The following UGT2A1 variants were observed in gnomAD, a reference collection of about 807,000 sequenced individuals.
UGT2A1 encodes UDP-glucuronosyltransferase 2A1.
UGT2A1 carries 61 observed loss-of-function variants against 45.4 expected under a neutral mutation model. The ratio of observed to expected loss-of-function variants is 1.34; its 90% CI spans 1.09 to 1.66. The LOEUF is 1.66. Among genes scored for constraint, UGT2A1 ranks in the 40% most tolerant of loss-of-function variants. The probability of loss-of-function intolerance (pLI) is 0.00; values close to 1 mark genes in which losing one functional copy is unlikely to be tolerated. For missense variants in UGT2A1, 649 were observed against 574.3 expected (o/e 1.13, Z -1.33); for synonymous variants, 229 against 196.2 (o/e 1.17, Z -1.40).
intron 2 of UGT2A1, among the ~76,000 whole-genome samples, chr4:69,636,351 A>T (rs2109964424): frequency 6.6e-6 from 1 of 152,286 alleles, no homozygotes; most frequent in Non-Finnish European, 1.5e-5. Context: ...TTTGTTTGTG[A>T]TGGCAAACAA....
chr4:69,626,740 T>C (rs1312496773), intron 3 of UGT2A1, among the ~76,000 whole-genome samples: 1 of 151,878 alleles, frequency 6.6e-6, no homozygotes, highest in Non-Finnish European at 1.5e-5. Flanking sequence ...ATTAAGAGAT[T>C]GCTTGTTCAT....
rs1166136690 is a variant in UGT2A1, at chr4:69,606,053, ATCC to A, written c.848-6662_848-6660del. ...ATTCCAAGCAATAGAAAAAGAGGGAATCCTCCTTAAATCATTTTATGAGTCCAG... is the reference window on the plus strand; with the variant it reads ...ATTCCAAGCAATAGAAAAAGAGGGAATCCTTAAATCATTTTATGAGTCCAG... On this transcript the variant is annotated intron_variant, in intron 3 of 6. Transcript: ENST00000286604. Among the ~76,000 whole-genome samples, 3 of 136,822 alleles carry A rather than the reference ATCC, an allele frequency of 2.2e-5. 1 individual carries two copies. Among genetic ancestry groups the A allele is most frequent in the Admixed American group, 2.2e-4 (3 of 13,924 alleles). 89.8% of individuals were successfully genotyped at this position (136,822 alleles called of 152,430 possible).
chr4:69,625,663 A>T (rs373027379), intron 3 of UGT2A1, among the ~76,000 whole-genome samples: 1 of 151,252 alleles, frequency 6.6e-6, no homozygotes, highest in South Asian at 2.1e-4. Flanking sequence ...TCTTTTGGCC[A>T]TACCCTATTT....
rs1229538259 is a variant in UGT2A1 at position 69,589,532 on chromosome 4, C to G, written c.1424G>C (p.Arg475Pro). The change falls in exon 7 of 7, where the codon CGG (arginine) becomes CCG (proline). Residue 475 changes from arginine (R) to proline (P), a missense_variant. Physicochemically the swap from Arg to Pro is moderately radical, Grantham distance 103. Transcript: ENST00000286604. ...VMRHKGAKHL[R>P]VAAHDLTWFQ... ...CCAGGTGAGGTCATGGGCTGCAACC[C>G]GAAGGTGCTTGGCTCCTTTGTGGCG... is the stretch of plus-strand genomic sequence containing the variant. 6.2e-7 allele frequency: 1 copy of G among 1,613,928 alleles called. No individual in the cohort carries two copies. The highest frequency in any genetic ancestry group is 1.3e-5 in the African/African-American group (1 of 74,892).
chr4:69,598,077 G>A (rs1048297432), intron 4 of UGT2A1, among the ~76,000 whole-genome samples: 10 of 152,044 alleles, frequency 6.6e-5, no homozygotes, highest in African/African-American at 1.9e-4. Context: ...CTATGGATAC[G>A]TCATGAATAT....
intron 3 of UGT2A1, among the ~76,000 whole-genome samples, chr4:69,612,511 C>T (rs557640126): frequency 1.3e-5 from 2 of 150,536 alleles, no homozygotes; most frequent in East Asian, 2.0e-4. Context: ...ATTTAAAAAG[C>T]ATGGTACCAG....
At chr4:69,634,179 A>G (rs908460684) in intron 3 of UGT2A1, among the ~76,000 whole-genome samples, 1 of 152,218 alleles carries the variant, frequency 6.6e-6, no homozygotes, top group Admixed American at 6.5e-5. Context: ...CGGGAGGCGG[A>G]GCTTGCAGTG....
chr4:69,595,101 A>G, intron 5 of UGT2A1, 61 bp downstream of exon 5: 1 of 1,581,104 alleles, frequency 6.3e-7, no homozygotes, highest in Non-Finnish European at 8.7e-7. Context: ...ATTTGCTATT[A>G]AACAGTTACT....
intron 2 of UGT2A1, among the ~76,000 whole-genome samples, chr4:69,641,892 G>A (rs905242127): frequency 5.3e-5 from 8 of 151,722 alleles, no homozygotes; most frequent in African/African-American, 1.7e-4. Flanking sequence ...ATTTTAGGGA[G>A]AGAATCTTAT....
chr4:69,596,335 AC>A (rs1252745638), intron 4 of UGT2A1: 1 of 1,606,790 alleles, frequency 6.2e-7, no homozygotes, highest in Admixed American at 1.7e-5. Flanking sequence ...CAGAGAAAAC[AC>A]CACAACACCA....
At chr4:69,601,448 A>G (rs960637801) in intron 3 of UGT2A1, among the ~76,000 whole-genome samples, 4 of 152,116 alleles carry the variant, frequency 2.6e-5, no homozygotes, top group African/African-American at 9.7e-5. Context: ...TACCACTACA[A>G]TTGGAGCTCT....
At chr4:69,646,664 C>A (rs891933219) in intron 2 of UGT2A1, among the ~76,000 whole-genome samples, 61 of 151,754 alleles carry the variant, frequency 4.0e-4, no homozygotes, top group African/African-American at 1.4e-3. Flanking sequence ...GAGATCCAGC[C>A]CAACTTTTAA....
At chr4:69,606,247 T>G (rs145077869) in intron 3 of UGT2A1, among the ~76,000 whole-genome samples, 24,734 of 135,418 alleles carry the variant, frequency 0.18, 5,939 homozygotes, top group Non-Finnish European at 0.22. Flanking sequence ...GCTTCATCCC[T>G]GGGACGCAAG....
intron 6 of UGT2A1, 146 bp from the exon 7 acceptor site, chr4:69,589,797 T>C (rs1347005531): frequency 3.2e-6 from 4 of 1,246,628 alleles, no homozygotes; most frequent in Non-Finnish European, 2.2e-6. Flanking sequence ...TTGTTAGTTG[T>C]ATAGGATTTT....
intron 3 of UGT2A1, among the ~76,000 whole-genome samples, chr4:69,629,493 ATTT>A (rs1721267537): frequency 6.6e-6 from 1 of 151,966 alleles, no homozygotes; most frequent in Non-Finnish European, 1.5e-5. Flanking sequence ...TATCAATGTG[ATTT>A]ACCATGATCA....
At chr4:69,624,522 A>T (rs1720926208) in intron 3 of UGT2A1, among the ~76,000 whole-genome samples, 2 of 150,860 alleles carry the variant, frequency 1.3e-5, no homozygotes, top group Admixed American at 6.6e-5. Context: ...AAGTTACCTC[A>T]TCTCTTTTTT....
chr4:69,615,535 T>C (rs1360743837), intron 3 of UGT2A1, among the ~76,000 whole-genome samples: 1 of 151,980 alleles, frequency 6.6e-6, no homozygotes, highest in African/African-American at 2.4e-5. Context: ...AAGAAAAGAA[T>C]GAGTAATCAA....
At position 69,648,152 on chromosome 4, in the gene UGT2A1, TAA is replaced by T. The variant is rs548831160; in HGVS notation, c.-54-456_-54-455del. 3.7e-3 allele frequency among the ~76,000 whole-genome samples: 554 copies of T among 150,600 alleles called. 1 individual carries two copies. The highest frequency in any genetic ancestry group is 0.011 in the African/African-American group (449 of 41,292). On this transcript the variant is annotated intron_variant, in intron 1 of 6. Coordinates refer to ENST00000286604, the MANE Select transcript of UGT2A1 (RefSeq NM_001252275.3). Reference sequence around the variant, plus strand: ...ACATTATAATAACAGTTACAATATATAAGATTGTCAAATAATATGTATAAATA... The same window carrying T: ...ACATTATAATAACAGTTACAATATATGATTGTCAAATAATATGTATAAATA...
intron 3 of UGT2A1, 161 bp from the exon 4 acceptor site, chr4:69,599,555 A>G: frequency 9.4e-7 from 1 of 1,065,314 alleles, no homozygotes; most frequent in East Asian, 3.0e-5. Context: ...AGGAGAAATT[A>G]AAGAGGATGG....
Sources: allele counts gnomAD v4.1 joint callset (sites outside exome capture counted in the v4.1 genomes callset), GRCh38; gene constraint gnomAD v4.1.1; transcripts MANE v1.5; gene names NCBI Gene and HGNC (gene_info 2026-07-23, HGNC 2026-07-21).